Variants in CPEB2 observed in about 807,000 individuals in gnomAD.
The protein encoded by CPEB2 is cytoplasmic polyadenylation element-binding protein 2.
A neutral mutation model predicts 93.6 loss-of-function variants in CPEB2; 56 were observed. That is an observed-to-expected ratio of 0.60 (90% CI 0.48 to 0.75). CPEB2 has a LOEUF of 0.75. Ranked by LOEUF, CPEB2 falls within the 30% of genes least tolerant of loss-of-function variation. CPEB2 has a pLI of 0.00. For synonymous variants in CPEB2, 764 were observed against 586.3 expected, an observed-to-expected ratio of 1.30 and a Z score of -4.38; for missense variants, 1,579 against 1,395.1, an observed-to-expected ratio of 1.13 and a Z score of -2.10.
Position 15,003,526 on chromosome 4 carries a change from A to T in CPEB2, c.853A>T (p.Thr285Ser), listed in dbSNP as rs1411337615. Residue 285 changes from threonine (T) to serine (S), a missense_variant, in exon 1 of 12, where the codon ACC (threonine) becomes TCC (serine). Physicochemically the swap from Thr to Ser is moderately conservative, Grantham distance 58 (BLOSUM62 1). Transcript: ENST00000538197. ...CGGAGGCGCGGGCAGCCCTCGCAAG[A>T]CCCCAGCCGCGGGCGAGGGCAGCGC... is the stretch of plus-strand genomic sequence containing the variant. ...RHGGAGSPRK[T>S]PAAGEGSAAE... The T allele has an allele frequency of 2.8e-6, 4 of 1,438,522 alleles. No homozygotes were observed. The highest frequency in any genetic ancestry group is 3.0e-5 in the African/African-American group (2 of 67,264). 89.1% of individuals were successfully genotyped at this position (1,438,522 alleles called of 1,614,324 possible).
chr4:15,034,654 A>T (rs1220766588), intron 5 of CPEB2, among the ~76,000 whole-genome samples: 1 of 152,220 alleles, frequency 6.6e-6, no homozygotes, highest in Middle Eastern at 3.2e-3. Context: ...ATGTGTTTAC[A>T]TCAGGAAAAG....
chr4:15,020,143 G>A (rs1379929633), intron 4 of CPEB2, among the ~76,000 whole-genome samples: 2 of 152,072 alleles, frequency 1.3e-5, no homozygotes, highest in Non-Finnish European at 2.9e-5. Flanking sequence ...CCCAAAGTGA[G>A]TGATAAAAGC....
intron 5 of CPEB2, among the ~76,000 whole-genome samples, chr4:15,037,290 G>A (rs1577423054): frequency 6.6e-6 from 1 of 150,932 alleles, no homozygotes; most frequent in Non-Finnish European, 1.5e-5. Context: ...CAGCCTGGGC[G>A]ACAGAGCAAG....
chr4:15,045,919 G>T (rs1276372476), intron 6 of CPEB2, among the ~76,000 whole-genome samples: 1 of 152,018 alleles, frequency 6.6e-6, no homozygotes, highest in Non-Finnish European at 1.5e-5. Flanking sequence ...TGTATAGAAA[G>T]GAAATTACAA....
Position 15,007,399 on chromosome 4 carries a change from G to A in CPEB2, c.1757G>A (p.Arg586His), listed in dbSNP as rs113158971. 5.6e-6 allele frequency: 9 copies of A among 1,613,814 alleles called. No individual in the cohort carries two copies. Among genetic ancestry groups the A allele is most frequent in the South Asian group, 1.1e-5 (1 of 91,028 alleles). The part of the protein sequence containing the change: ...SWGAMHGRDH[R>H]RTGNMGIPGT... ...GGAGCAATGCATGGCAGAGATCATC[G>A]TAGAACCGGAAACATGGGAATCCCA... is the stretch of plus-strand genomic sequence containing the variant. The change falls in exon 2 of 12, where the codon CGT (arginine) becomes CAT (histidine). Residue 586 changes from arginine (R) to histidine (H), a missense_variant. Transcript: ENST00000538197.
Position 15,003,200 on chromosome 4 carries a change from G to T in CPEB2, c.527G>T (p.Ser176Ile), listed in dbSNP as rs1360954803. ...AAGCGGCAGCAGCAGCAGCTGAGCA[G>T]CCAGAAGAGGAAAGAGTTCAGCCCT... ...FSKRQQQQLS[S>I]QKRKEFSPPH... The change falls in exon 1 of 12, where the codon AGC becomes ATC. Residue 176 changes from serine (S) to isoleucine (I), a missense_variant. By Grantham distance (142) the Ser-to-Ile change is moderately radical. This residue lies in a region of CPEB2 where 1,411 missense variants were observed against 1,056.0 expected (regional missense o/e 1.34). Coordinates refer to ENST00000538197, the MANE Select transcript of CPEB2 (RefSeq NM_001177382.2). The T allele has an allele frequency of 1.3e-6, 2 of 1,533,998 alleles. No homozygotes were observed. Among genetic ancestry groups the T allele is most frequent in the Non-Finnish European group, 1.7e-6 (2 of 1,146,248 alleles).
Position 15,017,183 on chromosome 4 carries a change from T to TC in CPEB2, c.2035-3dup, listed in dbSNP as rs752503858. 1.3e-6 allele frequency: 2 copies of TC among 1,538,942 alleles called. No individual in the cohort carries two copies. The highest frequency in any genetic ancestry group is 1.8e-6 in the Non-Finnish European group (2 of 1,115,770). On this transcript the variant is annotated splice_region_variant and splice_polypyrimidine_tract_variant and intron_variant, in intron 3 of 11. Coordinates refer to ENST00000538197, the MANE Select transcript of CPEB2 (RefSeq NM_001177382.2). ...TATAATGTCTTTTTTCCTCTTCTCT[T>TC]CCAGGATCGAAGTAGAATGTATGAC...
chr4:15,042,063 A>T (rs1235343366), intron 6 of CPEB2, among the ~76,000 whole-genome samples: 1 of 152,154 alleles, frequency 6.6e-6, no homozygotes, highest in African/African-American at 2.4e-5. Context: ...TTATTTCACT[A>T]TGCAATTTTA....
At chr4:15,024,938 G>T (rs559083759) in intron 4 of CPEB2, among the ~76,000 whole-genome samples, 1 of 151,878 alleles carries the variant, frequency 6.6e-6, no homozygotes, top group South Asian at 2.1e-4. Context: ...TAGAGACGGG[G>T]TTTCACTGTG....
intron 8 of CPEB2, 31 bp downstream of exon 8, chr4:15,054,248 G>GAAAT: frequency 6.6e-7 from 1 of 1,514,362 alleles, no homozygotes; most frequent in African/African-American, 1.4e-5. Flanking sequence ...TATTTGCTAG[G>GAAAT]AAATTGGTTG....
rs1156888450 is a variant in CPEB2 at position 15,066,533 on chromosome 4, A to G, written c.*153A>G. 1.2e-5 allele frequency: 7 copies of G among 585,420 alleles called. No individual in the cohort carries two copies. The highest frequency in any genetic ancestry group is 2.1e-5 in the Non-Finnish European group (7 of 332,332). 36.3% of individuals were successfully genotyped at this position (585,420 alleles called of 1,614,324 possible). ...CATCTTTATCAGCAGCCAAAACACT[A>G]CAAGCCTCTTGTTTTTCACCAAAAC... On this transcript the variant is annotated 3_prime_UTR_variant, in exon 12 of 12. Coordinates refer to ENST00000538197, the MANE Select transcript of CPEB2 (RefSeq NM_001177382.2).
At chr4:15,040,190 C>T (rs1000374757) in intron 5 of CPEB2, among the ~76,000 whole-genome samples, 4 of 152,108 alleles carry the variant, frequency 2.6e-5, no homozygotes, top group African/African-American at 9.7e-5. Flanking sequence ...GAAACAAATA[C>T]TTGTGAATTT....
chr4:15,063,770 C>T (rs1427584214), intron 11 of CPEB2: 1 of 152,092 alleles, frequency 6.6e-6, no homozygotes, highest in Non-Finnish European at 1.5e-5. Flanking sequence ...AGAGTACTGA[C>T]TCTTAAAGAG....
intron 4 of CPEB2, among the ~76,000 whole-genome samples, chr4:15,019,697 T>A (rs1724602756): frequency 6.6e-6 from 1 of 152,138 alleles, no homozygotes; most frequent in Admixed American, 6.6e-5. Context: ...TTTGTTTTGT[T>A]TTTGTTATGG....
In CPEB2 at chr4:15,004,230, G is replaced by A; in HGVS notation, c.1557G>A (p.Gln519=). Residue 519 remains glutamine, a synonymous_variant, in exon 1 of 12, where the codon CAG becomes CAA. Transcript: ENST00000538197. ...AGCCCCCGCCGCCCGCGGCGCCGCA[G>A]CAGCCGCAGAGCCGGAGGTCGCCCG... ...QQQPPPPAAP[Q]QPQSRRSPVS... The A allele has an allele frequency of 6.8e-7, 1 of 1,473,828 alleles. No homozygotes were observed. The highest frequency in any genetic ancestry group is 1.5e-5 in the African/African-American group (1 of 67,500). 91.3% of individuals were successfully genotyped at this position (1,473,828 alleles called of 1,614,324 possible).
chr4:15,015,692 C>G (rs1370259414), intron 3 of CPEB2, among the ~76,000 whole-genome samples: 1 of 151,802 alleles, frequency 6.6e-6, no homozygotes, highest in East Asian at 1.9e-4. Flanking sequence ...ACCTTTTCTT[C>G]GGGAAAAAAA....
intron 11 of CPEB2, among the ~76,000 whole-genome samples, chr4:15,065,581 A>G (rs1297862307): frequency 6.6e-6 from 1 of 152,262 alleles, no homozygotes; most frequent in Non-Finnish European, 1.5e-5. Flanking sequence ...GAAGTTTATC[A>G]TTCAGAGCTG....
intron 5 of CPEB2, among the ~76,000 whole-genome samples, chr4:15,035,582 TAAG>T (rs1458779806): frequency 2.0e-5 from 3 of 152,270 alleles, no homozygotes; most frequent in African/African-American, 7.2e-5. Flanking sequence ...AATATAAACT[TAAG>T]AGAAAACATA....
chr4:15,004,659 CG>C (rs1722539956), intron 1 of CPEB2, among the ~76,000 whole-genome samples: 2 of 151,412 alleles, frequency 1.3e-5, no homozygotes, highest in Admixed American at 1.3e-4. Context: ...CGAATAGCGC[CG>C]GGGCCGCGGG....
Sources: allele counts gnomAD v4.1 joint callset (sites outside exome capture counted in the v4.1 genomes callset), GRCh38; gene constraint gnomAD v4.1.1; regional missense constraint gnomAD v4.1.1; transcripts MANE v1.5; gene names NCBI Gene and HGNC (gene_info 2026-07-23, HGNC 2026-07-21).